FHIT: variants seen among roughly 807,000 people sequenced by gnomAD.
FHIT encodes the protein bis(5'-adenosyl)-triphosphatase.
A neutral mutation model predicts 17.9 loss-of-function variants in FHIT; 19 were observed. The observed-to-expected ratio is 1.06, with a 90% confidence interval of 0.74 to 1.56. The LOEUF is 1.56. Among genes scored for constraint, FHIT ranks in the 40% most tolerant of loss-of-function variants. The probability of loss-of-function intolerance (pLI) is 0.00; values close to 1 mark genes in which losing one functional copy is unlikely to be tolerated. For missense variants in FHIT, 248 were observed against 189.2 expected (o/e 1.31, Z -1.82); for synonymous variants, 81 against 69.7 (o/e 1.16, Z -0.81).
chr3:60,420,767 T>C (rs186974136), intron 5 of FHIT, among the ~76,000 whole-genome samples: 118 of 152,336 alleles, frequency 7.7e-4, no homozygotes, highest in East Asian at 6.2e-3. Flanking sequence ...TGGTTTGTCA[T>C]GTGTGTTATA....
At chr3:60,465,134 G>A (rs1210882825) in intron 5 of FHIT, among the ~76,000 whole-genome samples, 2 of 152,068 alleles carry the variant, frequency 1.3e-5, no homozygotes, top group African/African-American at 4.8e-5. Context: ...CAGTTATGTT[G>A]AGAACCTTTT....
intron 3 of FHIT, among the ~76,000 whole-genome samples, chr3:61,017,088 A>G (rs897076959): frequency 6.6e-5 from 10 of 152,168 alleles, no homozygotes; most frequent in African/African-American, 2.4e-4. Flanking sequence ...GGAGTTCAAG[A>G]CCAGCCTGGC....
chr3:60,885,926 T>C (rs1288505058), intron 3 of FHIT, among the ~76,000 whole-genome samples: 1 of 149,962 alleles, frequency 6.7e-6, no homozygotes, highest in Non-Finnish European at 1.5e-5. Flanking sequence ...ACTTACCATA[T>C]TCATTTATTG....
chr3:60,558,580 T>C (rs554605141), intron 4 of FHIT, among the ~76,000 whole-genome samples: 1 of 152,072 alleles, frequency 6.6e-6, no homozygotes, highest in East Asian at 2.0e-4. Context: ...AGAACATTTT[T>C]CCCCACTAAA....
At chr3:61,207,451 G>T (rs2039283480) in intron 1 of FHIT, among the ~76,000 whole-genome samples, 1 of 152,086 alleles carries the variant, frequency 6.6e-6, no homozygotes, top group Admixed American at 6.6e-5. Context: ...TCTGGTCCTG[G>T]ACTTTTTTTG....
intron 8 of FHIT, among the ~76,000 whole-genome samples, chr3:59,869,916 TC>T (rs1399254497): frequency 6.6e-6 from 1 of 152,214 alleles, no homozygotes; most frequent in Non-Finnish European, 1.5e-5. Context: ...TTTGAATTCT[TC>T]TTCTGCAGTA....
chr3:60,411,283 ACAC>A (rs1181103229), intron 5 of FHIT, among the ~76,000 whole-genome samples: 4 of 152,170 alleles, frequency 2.6e-5, no homozygotes, highest in Non-Finnish European at 4.4e-5. Flanking sequence ...TTAAGAAGAA[ACAC>A]TCTTCTTATT....
intron 4 of FHIT, among the ~76,000 whole-genome samples, chr3:60,767,953 T>G (rs1699910620): frequency 6.6e-6 from 1 of 152,218 alleles, no homozygotes; most frequent in Admixed American, 6.5e-5. Flanking sequence ...AGGCTTACTC[T>G]GGCTATCCCT....
intron 4 of FHIT, among the ~76,000 whole-genome samples, chr3:60,545,394 T>C (rs958827708): frequency 2.6e-5 from 4 of 152,204 alleles, no homozygotes; most frequent in African/African-American, 9.7e-5. Flanking sequence ...TTTTCCTTTA[T>C]TGTTTCTTTG....
chr3:59,788,265 C>T (rs760278412), intron 8 of FHIT, among the ~76,000 whole-genome samples: 1 of 152,196 alleles, frequency 6.6e-6, no homozygotes, highest in Non-Finnish European at 1.5e-5. Context: ...GAACTGCAAT[C>T]ATTTGAACAT....
At chr3:60,693,918 T>G (rs914913912) in intron 4 of FHIT, among the ~76,000 whole-genome samples, 6 of 152,234 alleles carry the variant, frequency 3.9e-5, no homozygotes, top group African/African-American at 1.4e-4. Flanking sequence ...AGGCATCCTC[T>G]ACTATTAGTC....
chr3:60,101,115 C>T lies in FHIT; in HGVS notation c.104-86963G>A, dbSNP rs193077997. Among the ~76,000 whole-genome samples, 6 of 152,294 alleles carry T rather than the reference C, an allele frequency of 3.9e-5. No individual in the cohort carries two copies. The South Asian group carries it at 6.2e-4, about 16-fold the overall frequency. ...CAGTATCTGCTCTTAACTGACCTGC[C>T]GGCCCCCGCTCCCTATTCTAATCCT... On this transcript the variant is annotated intron_variant, in intron 5 of 9. Transcript: ENST00000492590.
chr3:59,770,411 T>A (rs937235838), intron 8 of FHIT, among the ~76,000 whole-genome samples: 1 of 152,172 alleles, frequency 6.6e-6, no homozygotes, highest in Non-Finnish European at 1.5e-5. Context: ...GGTGTCCTTA[T>A]ACAAAGGGAA....
At position 60,444,611 on chromosome 3, in the gene FHIT, C is replaced by T. The variant is rs528576896; in HGVS notation, c.103+92249G>A. Among the ~76,000 whole-genome samples, 83 of 152,118 alleles carry T rather than the reference C, an allele frequency of 5.5e-4. No individual in the cohort carries two copies. In the South Asian group the frequency reaches 6.0e-3, roughly 11 times the overall value. On this transcript the variant is annotated intron_variant, in intron 5 of 9. Coordinates refer to ENST00000492590, the MANE Select transcript of FHIT (RefSeq NM_002012.4). ...ATCACAAGGACAAAAAACCAAACAC[C>T]GCATGTTCTCACTCATAGCTGGGAA...
intron 4 of FHIT, among the ~76,000 whole-genome samples, chr3:60,551,795 C>T (rs2107626284): frequency 6.6e-6 from 1 of 151,032 alleles, no homozygotes; most frequent in South Asian, 2.1e-4. Flanking sequence ...AAAGCATATG[C>T]CCCATTCCCA....
chr3:60,051,974 A>T (rs1701898382), intron 5 of FHIT, among the ~76,000 whole-genome samples: 1 of 152,166 alleles, frequency 6.6e-6, no homozygotes, highest in South Asian at 2.1e-4. Flanking sequence ...ATTTGGCAGC[A>T]ATGGATAGAT....
At chr3:60,532,223 C>G (rs1304945670) in intron 5 of FHIT, among the ~76,000 whole-genome samples, 1 of 152,194 alleles carries the variant, frequency 6.6e-6, no homozygotes, top group Non-Finnish European at 1.5e-5. Context: ...CTGTGTCTCC[C>G]TCATGTTGCA....
intron 4 of FHIT, among the ~76,000 whole-genome samples, chr3:60,746,276 T>C (rs1553715334): frequency 6.6e-6 from 1 of 152,218 alleles, no homozygotes; most frequent in Non-Finnish European, 1.5e-5. Flanking sequence ...CATAAAAGCA[T>C]CTAAATTATT....
At chr3:59,782,026 G>A (rs958274856) in intron 8 of FHIT, among the ~76,000 whole-genome samples, 1 of 149,136 alleles carries the variant, frequency 6.7e-6, no homozygotes, top group African/African-American at 2.5e-5. Flanking sequence ...CTCAGAAAAT[G>A]TGAAGAGGAG....
Sources: allele counts gnomAD v4.1 joint callset (sites outside exome capture counted in the v4.1 genomes callset), GRCh38; gene constraint gnomAD v4.1.1; transcripts MANE v1.5; gene names NCBI Gene and HGNC (gene_info 2026-07-23, HGNC 2026-07-21).